Variants in CBFA2T2 observed in about 807,000 individuals in gnomAD.
CBFA2T2 encodes the protein protein CBFA2T2.
CBFA2T2 carries 11 observed loss-of-function variants against 62.2 expected under a neutral mutation model. The observed-to-expected ratio is 0.18, with a 90% CI of 0.11 to 0.29. The LOEUF (loss-of-function observed/expected upper bound fraction) is 0.29, where lower values mean the gene tolerates loss of function less well. CBFA2T2 is among the 10% of genes least tolerant of loss of function. The probability of loss-of-function intolerance (pLI) is 1.00; values close to 1 mark genes in which losing one functional copy is unlikely to be tolerated. For missense variants in CBFA2T2, 592 were observed against 774.1 expected (o/e 0.76, Z 2.79); for synonymous variants, 295 against 287.5 (o/e 1.03, Z -0.27).
In CBFA2T2 at chr20:33,621,287, C is replaced by CTTTTT. The variant is rs199805350; in HGVS notation, c.510+1703_510+1707dup. Among the ~76,000 whole-genome samples the CTTTTT allele has an allele frequency of 1.4e-3, 122 of 85,292 alleles. 4 individuals are homozygous for CTTTTT. The highest frequency in any genetic ancestry group is 2.0e-3 in the Non-Finnish European group (92 of 45,976). 56.0% of individuals were successfully genotyped at this position (85,292 alleles called of 152,430 possible). ...TCTATAATACCTTTAATTTTACTGC[C>CTTTTT]TTTTTTTTTTTTTTTTTTTTTTTTT... On this transcript the variant is annotated intron_variant, in intron 4 of 10. Transcript: ENST00000342704.
At position 33,523,454 on chromosome 20, in the gene CBFA2T2, TTAATTAAA is replaced by T. The variant is rs1362943908; in HGVS notation, c.34+33158_34+33165del. On this transcript the variant is annotated intron_variant, in intron 1 of 10. Transcript: ENST00000342704. Reference sequence around the variant, plus strand: ...TTATAATTTAATTACAGAGTCTATCTTAATTAAATAATAAAGATCATTCTTATTTTTCA... The same window carrying T: ...TTATAATTTAATTACAGAGTCTATCTTAATAAAGATCATTCTTATTTTTCA... 5.3e-5 allele frequency among the ~76,000 whole-genome samples: 8 copies of T among 152,018 alleles called. No homozygotes were observed. In the South Asian group the frequency reaches 1.0e-3, roughly 20 times the overall value.
intron 1 of CBFA2T2, among the ~76,000 whole-genome samples, chr20:33,544,950 T>G (rs209662): frequency 1.3e-4 from 4 of 30,406 alleles, no homozygotes; most frequent in African/African-American, 1.7e-4. Flanking sequence ...TAGAACAGAA[T>G]AGAATAGAAT....
rs566054135 is a variant in CBFA2T2 at position 33,594,198 on chromosome 20, T to C, written c.35-12758T>C. Among the ~76,000 whole-genome samples the C allele has an allele frequency of 3.3e-5, 5 of 152,308 alleles. No homozygotes were observed. In the East Asian group the frequency reaches 9.6e-4, roughly 29 times the overall value. On this transcript the variant is annotated intron_variant, in intron 1 of 10. Transcript: ENST00000342704. ...ACTGTGACATATTTAAGAGCTGGAC[T>C]GTCAGAATTTACTGCTATATTTCTT...
chr20:33,588,071 A>G (rs547037758), intron 1 of CBFA2T2, among the ~76,000 whole-genome samples: 9 of 152,324 alleles, frequency 5.9e-5, no homozygotes, highest in African/African-American at 2.2e-4. Flanking sequence ...TTTTTCTTAA[A>G]TAACATTACT....
intron 1 of CBFA2T2, among the ~76,000 whole-genome samples, chr20:33,557,403 C>A (rs1449048995): frequency 6.6e-6 from 1 of 152,144 alleles, no homozygotes; most frequent in African/African-American, 2.4e-5. Flanking sequence ...GTTTAGAAAT[C>A]AAGATCTGGG....
chr20:33,579,940 G>C (rs1404308355), intron 1 of CBFA2T2, among the ~76,000 whole-genome samples: 6 of 151,502 alleles, frequency 4.0e-5, no homozygotes, highest in Non-Finnish European at 1.5e-5. Context: ...TCAGCTTCCT[G>C]CATAGCTGGG....
At chr20:33,593,175 T>C (rs1271496904) in intron 1 of CBFA2T2, among the ~76,000 whole-genome samples, 1 of 151,710 alleles carries the variant, frequency 6.6e-6, no homozygotes, top group Non-Finnish European at 1.5e-5. Context: ...CTACTAAAAA[T>C]GCAAAAATTA....
chr20:33,533,235 A>G (rs1208491175), intron 1 of CBFA2T2, among the ~76,000 whole-genome samples: 4 of 152,198 alleles, frequency 2.6e-5, no homozygotes, highest in South Asian at 2.1e-4. Context: ...GATAGTCAAC[A>G]TATCATTCAC....
chr20:33,526,308 AAC>A (rs1010192919), intron 1 of CBFA2T2, among the ~76,000 whole-genome samples: 2 of 152,226 alleles, frequency 1.3e-5, no homozygotes, highest in African/African-American at 4.8e-5. Context: ...TTTCATCAGA[AAC>A]ACATAAAAAA....
chr20:33,572,869 TAGAG>T (rs1381314270), intron 1 of CBFA2T2, among the ~76,000 whole-genome samples: 3 of 152,210 alleles, frequency 2.0e-5, no homozygotes, highest in African/African-American at 7.2e-5. Flanking sequence ...TCCTGTCATA[TAGAG>T]AAAGAATTTT....
chr20:33,602,955 G>A (rs73119184), intron 1 of CBFA2T2, among the ~76,000 whole-genome samples: 4,059 of 152,220 alleles, frequency 0.027, 101 homozygotes, highest in Middle Eastern at 0.034. Flanking sequence ...ACTTATGGTC[G>A]GGTAGTGTAT....
chr20:33,531,228 G>A (rs1265180577), intron 1 of CBFA2T2, among the ~76,000 whole-genome samples: 1 of 152,164 alleles, frequency 6.6e-6, no homozygotes, highest in Non-Finnish European at 1.5e-5. Flanking sequence ...TGAAGGGGAA[G>A]AGTATGCTTC....
At chr20:33,540,253 TTA>T (rs2012377143) in intron 1 of CBFA2T2, among the ~76,000 whole-genome samples, 1 of 152,246 alleles carries the variant, frequency 6.6e-6, no homozygotes, top group Non-Finnish European at 1.5e-5. Flanking sequence ...ATGTATAGTC[TTA>T]TGTCTTTTAA....
intron 1 of CBFA2T2, among the ~76,000 whole-genome samples, chr20:33,594,359 C>A (rs2014795776): frequency 1.3e-5 from 2 of 152,020 alleles, no homozygotes; most frequent in African/African-American, 2.4e-5. Flanking sequence ...GTAGCTGGGA[C>A]TACAGGCGTC....
chr20:33,495,534 CA>C lies in CBFA2T2; in HGVS notation c.34+5241del, dbSNP rs1001584125. ...AACCCCGTCCCTACCAAAAAACGTA[CA>C]AAAAAAATCAGCTGGGCGTGGTGGC... On this transcript the variant is annotated intron_variant, in intron 1 of 10. Transcript: ENST00000342704. Among the ~76,000 whole-genome samples, 6 of 151,284 alleles carry C rather than the reference CA, an allele frequency of 4.0e-5. No homozygotes were observed. In the South Asian group the frequency reaches 6.3e-4, roughly 16 times the overall value.
chr20:33,635,975 T>A (rs1174256750), intron 8 of CBFA2T2, among the ~76,000 whole-genome samples: 1 of 152,184 alleles, frequency 6.6e-6, no homozygotes, highest in East Asian at 1.9e-4. Flanking sequence ...CTTGTAGAAT[T>A]TTCTATGTAC....
At chr20:33,523,583 C>G (rs1052783428) in intron 1 of CBFA2T2, among the ~76,000 whole-genome samples, 1 of 152,194 alleles carries the variant, frequency 6.6e-6, no homozygotes, top group African/African-American at 2.4e-5. Context: ...CAAACGTGTA[C>G]TAAAACCCCA....
rs150546556 is a variant in CBFA2T2, at chr20:33,640,239, G to A, written c.1298-102G>A. On this transcript the variant is annotated intron_variant, in intron 9 of 10. Transcript: ENST00000342704. ...ATGTGTTCCTCCCTGTGGAGTTTTAGAAAAGATCACTTTGTGTCAGCTCTC... is the reference window on the plus strand; with the variant it reads ...ATGTGTTCCTCCCTGTGGAGTTTTAAAAAAGATCACTTTGTGTCAGCTCTC... The A allele has an allele frequency of 3.7e-3, 4,002 of 1,085,772 alleles. 16 individuals carry two copies. The highest frequency in any genetic ancestry group is 0.016 in the Middle Eastern group (72 of 4,622). 67.3% of individuals were successfully genotyped at this position (1,085,772 alleles called of 1,614,324 possible).
At chr20:33,532,592 TC>T (rs1374602824) in intron 1 of CBFA2T2, among the ~76,000 whole-genome samples, 1 of 152,256 alleles carries the variant, frequency 6.6e-6, no homozygotes, top group Non-Finnish European at 1.5e-5. Flanking sequence ...ATGTTCACTA[TC>T]AAGGTGAATT....
Sources: allele counts gnomAD v4.1 joint callset (sites outside exome capture counted in the v4.1 genomes callset), GRCh38; gene constraint gnomAD v4.1.1; transcripts MANE v1.5; gene names NCBI Gene and HGNC (gene_info 2026-07-23, HGNC 2026-07-21).